Variants in PTPRO observed in about 807,000 individuals in gnomAD.
PTPRO encodes protein tyrosine phosphatase receptor type O, also known as receptor-type tyrosine-protein phosphatase O.
PTPRO carries 62 observed loss-of-function variants against 145.2 expected under a neutral mutation model. The observed-to-expected ratio is 0.43, with a 90% CI of 0.35 to 0.53. PTPRO has a LOEUF of 0.53. Among genes scored for constraint, PTPRO ranks in the 20% least tolerant of loss-of-function variants. PTPRO has a pLI of 0.01. For missense variants in PTPRO, 1,345 were observed against 1,482.7 expected (o/e 0.91, Z 1.53); for synonymous variants, 565 against 514.7 (o/e 1.10, Z -1.32).
At position 15,498,758 on chromosome 12, in the gene PTPRO, T is replaced by C. The variant is rs546965705; in HGVS notation, c.509-684T>C. Among the ~76,000 whole-genome samples the C allele has an allele frequency of 2.6e-3, 402 of 152,274 alleles. 3 individuals are homozygous for C. Among genetic ancestry groups the C allele is most frequent in the African/African-American group, 9.3e-3 (385 of 41,552 alleles). On this transcript the variant is annotated intron_variant, in intron 3 of 26. Transcript: ENST00000281171. Reference sequence around the variant, plus strand: ...ATATTTATGAATGATTAAAAAGCAATTACTGAAACTTTTGTTAACAATCAT... The same window carrying C: ...ATATTTATGAATGATTAAAAAGCAACTACTGAAACTTTTGTTAACAATCAT...
At chr12:15,515,771 T>C (rs147435149) in intron 8 of PTPRO, among the ~76,000 whole-genome samples, 153 bp downstream of exon 8, 1 of 152,210 alleles carries the variant, frequency 6.6e-6, no homozygotes, top group East Asian at 1.9e-4. Flanking sequence ...ATAACAAGAA[T>C]TGTATACTTG....
chr12:15,403,547 C>T (rs182311307), intron 1 of PTPRO, among the ~76,000 whole-genome samples: 6 of 152,310 alleles, frequency 3.9e-5, no homozygotes, highest in East Asian at 1.9e-4. Flanking sequence ...GGCGCCACTG[C>T]ACTCCAGCCT....
intron 1 of PTPRO, among the ~76,000 whole-genome samples, chr12:15,341,762 G>A (rs1866996142): frequency 6.6e-6 from 1 of 152,138 alleles, no homozygotes; most frequent in Non-Finnish European, 1.5e-5. Context: ...TCAGGTAAGA[G>A]AAAACCAAGT....
chr12:15,394,410 C>T (rs374110552), intron 1 of PTPRO, among the ~76,000 whole-genome samples: 8 of 152,074 alleles, frequency 5.3e-5, no homozygotes, highest in East Asian at 1.9e-4. Context: ...TGCCAAGCAG[C>T]GGCATACCAA....
intron 1 of PTPRO, among the ~76,000 whole-genome samples, chr12:15,384,369 T>C (rs1287026039): frequency 2.6e-5 from 4 of 152,200 alleles, no homozygotes; most frequent in Non-Finnish European, 5.9e-5. Flanking sequence ...CATAACAAAA[T>C]ACCATAGACT....
At chr12:15,401,324 G>A (rs1237367939) in intron 1 of PTPRO, among the ~76,000 whole-genome samples, 2 of 152,166 alleles carry the variant, frequency 1.3e-5, no homozygotes, top group East Asian at 3.8e-4. Flanking sequence ...AACTATAAGT[G>A]ACTGCAAGGA....
intron 1 of PTPRO, among the ~76,000 whole-genome samples, chr12:15,361,243 C>T (rs1344566201): frequency 2.0e-5 from 3 of 151,450 alleles, no homozygotes; most frequent in Admixed American, 1.3e-4. Context: ...CAAGACCAGC[C>T]TGGCCAGCAT....
intron 1 of PTPRO, among the ~76,000 whole-genome samples, chr12:15,471,409 A>T (rs1452507193): frequency 6.6e-6 from 1 of 152,100 alleles, no homozygotes; most frequent in Non-Finnish European, 1.5e-5. Flanking sequence ...TCAGGCACCA[A>T]ATCCCACAGG....
At chr12:15,583,607 C>T (rs1944369784) in intron 23 of PTPRO, among the ~76,000 whole-genome samples, 1 of 152,144 alleles carries the variant, frequency 6.6e-6, no homozygotes, top group Non-Finnish European at 1.5e-5. Flanking sequence ...ACACAGCCTG[C>T]ATTGTTGACG....
chr12:15,392,720 C>CAAAAA lies in PTPRO; in HGVS notation c.75+69937_75+69941dup, dbSNP rs1177789187. The stretch of plus-strand genomic sequence containing the variant: ...TGGGTGACAGAGTGAGACCCTGTCT[C>CAAAAA]AAAAAAAAAAAAAAAAAAAAAAGAA... On this transcript the variant is annotated intron_variant, in intron 1 of 26. Coordinates refer to ENST00000281171, the MANE Select transcript of PTPRO (RefSeq NM_030667.3). Among the ~76,000 whole-genome samples, 524 of 66,668 alleles carry CAAAAA rather than the reference C, an allele frequency of 7.9e-3. 12 individuals carry two copies. The highest frequency in any genetic ancestry group is 0.012 in the African/African-American group (189 of 15,642). 43.7% of individuals were successfully genotyped at this position (66,668 alleles called of 152,430 possible).
chr12:15,573,494 T>C (rs1234219147), intron 19 of PTPRO, among the ~76,000 whole-genome samples: 1 of 152,202 alleles, frequency 6.6e-6, no homozygotes, highest in Non-Finnish European at 1.5e-5. Context: ...TTTAATATTG[T>C]TATTTATTCT....
intron 12 of PTPRO, among the ~76,000 whole-genome samples, chr12:15,531,685 A>G (rs1044380723): frequency 6.6e-6 from 1 of 152,224 alleles, no homozygotes; most frequent in African/African-American, 2.4e-5. Context: ...AGACCTTTAG[A>G]GACAGTATGA....
chr12:15,327,298 T>C (rs1307067772), intron 1 of PTPRO, among the ~76,000 whole-genome samples: 1 of 152,234 alleles, frequency 6.6e-6, no homozygotes, highest in Non-Finnish European at 1.5e-5. Flanking sequence ...TCACCTCTGT[T>C]TAATGTTATT....
intron 2 of PTPRO, among the ~76,000 whole-genome samples, chr12:15,485,214 A>T (rs1244693153): frequency 2.0e-5 from 3 of 152,112 alleles, no homozygotes; most frequent in African/African-American, 7.2e-5. Context: ...TCTCTCAAAA[A>T]TTAATTAAAG....
chr12:15,464,484 AG>A (rs1039168250), intron 1 of PTPRO, among the ~76,000 whole-genome samples: 9 of 150,926 alleles, frequency 6.0e-5, no homozygotes, highest in African/African-American at 2.2e-4. Context: ...CCTCCTAAGT[AG>A]CTGGGATTAC....
intron 1 of PTPRO, among the ~76,000 whole-genome samples, chr12:15,389,426 T>C (rs965054772): frequency 6.6e-6 from 1 of 152,066 alleles, no homozygotes; most frequent in Non-Finnish European, 1.5e-5. Context: ...AATCTTTAAA[T>C]AGCCAGGTAA....
chr12:15,496,505 C>A lies in PTPRO; in HGVS notation c.350-740C>A, dbSNP rs947624300. The stretch of plus-strand genomic sequence containing the variant: ...GTTTAATAGCTTCTTTAGAAAGGTG[C>A]AAAATGCATTATTTACAAGAATTTT... On this transcript the variant is annotated intron_variant, in intron 2 of 26. Transcript: ENST00000281171. Among the ~76,000 whole-genome samples, 28 of 152,036 alleles carry A rather than the reference C, an allele frequency of 1.8e-4. No homozygotes were observed. The East Asian group carries it at 5.0e-3, about 27-fold the overall frequency.
Position 15,497,259 on chromosome 12 carries a change from A to G in PTPRO, c.364A>G (p.Thr122Ala), listed in dbSNP as rs769300317. ...CACTTCTGTAGAACCTCTACCTGTA[A>G]CCAGTGTTTCCATATATGACTATAA... ...ITVLTKPLPV[T>A]SVSIYDYKPS... is the part of the protein sequence containing the mutation. Residue 122 changes from threonine (T) to alanine (A), a missense_variant, in exon 3 of 27, where the codon ACC (threonine) becomes GCC (alanine). Physicochemically the swap from Thr to Ala is moderately conservative, Grantham distance 58. This residue lies in a region of PTPRO where 1,130 missense variants were observed against 1,214.7 expected (regional missense o/e 0.93). Coordinates refer to ENST00000281171, the MANE Select transcript of PTPRO (RefSeq NM_030667.3). The G allele has an allele frequency of 1.3e-6, 2 of 1,573,644 alleles. No individual in the cohort carries two copies. The highest frequency in any genetic ancestry group is 1.7e-6 in the Non-Finnish European group (2 of 1,143,848).
rs1328401844 is a variant in PTPRO, at chr12:15,327,427, T to A, written c.75+4626T>A. Among the ~76,000 whole-genome samples the A allele has an allele frequency of 2.0e-5, 3 of 152,134 alleles. No individual in the cohort carries two copies. In the East Asian group the frequency reaches 5.8e-4, roughly 29 times the overall value. On this transcript the variant is annotated intron_variant, in intron 1 of 26. Transcript: ENST00000281171. The stretch of plus-strand genomic sequence containing the variant: ...TAATATTTTTGCCTCCTCTTCCACA[T>A]CACCACTCCGCTATGACCACAACCA...
Sources: gnomAD v4.1 joint callset for allele counts (sites outside exome capture counted in the v4.1 genomes callset) on GRCh38, gnomAD v4.1.1 for gene constraint, gnomAD v4.1.1 regional missense constraint, MANE v1.5 for transcripts, NCBI Gene and HGNC (gene_info 2026-07-23, HGNC 2026-07-21) for gene names.